The following IFT52 variants were observed in gnomAD, a reference collection of about 807,000 sequenced individuals.
IFT52 encodes intraflagellar transport 52.
A neutral mutation model predicts 54.4 loss-of-function variants in IFT52; 44 were observed. That is an observed-to-expected ratio of 0.81 (90% CI 0.63 to 1.04). IFT52 has a LOEUF of 1.04. Among genes scored for constraint, IFT52 ranks in the 50% least tolerant of loss-of-function variants. IFT52 has a pLI of 0.00. For synonymous variants in IFT52, 181 were observed against 185.3 expected (o/e 0.98, Z 0.19); for missense variants, 452 against 523.6 (o/e 0.86, Z 1.33).
At chr20:43,597,923 T>C (rs186284082) in intron 3 of IFT52, among the ~76,000 whole-genome samples, 236 of 146,270 alleles carry the variant, frequency 1.6e-3, no homozygotes, top group African/African-American at 5.8e-3. Flanking sequence ...TGCCATATGA[T>C]CTAGCAATTC....
At chr20:43,619,615 A>G (rs947370717) in intron 8 of IFT52, among the ~76,000 whole-genome samples, 2 of 152,070 alleles carry the variant, frequency 1.3e-5, no homozygotes, top group East Asian at 3.9e-4. Flanking sequence ...GCTGGTAGGA[A>G]TGGGAATTAG....
intron 12 of IFT52, among the ~76,000 whole-genome samples, chr20:43,639,610 C>G (rs997536266): frequency 6.6e-6 from 1 of 152,032 alleles, no homozygotes; most frequent in Non-Finnish European, 1.5e-5. Flanking sequence ...TTGGAAGTTG[C>G]GGTGAGCCGA....
intron 6 of IFT52, among the ~76,000 whole-genome samples, chr20:43,613,064 G>A (rs1260437712): frequency 6.6e-6 from 1 of 152,192 alleles, no homozygotes; most frequent in African/African-American, 2.4e-5. Flanking sequence ...TCTAAGACAA[G>A]TCTTTGTTAG....
At chr20:43,625,290 C>G (rs140222481) in intron 10 of IFT52, among the ~76,000 whole-genome samples, 2 of 151,998 alleles carry the variant, frequency 1.3e-5, no homozygotes, top group Admixed American at 1.3e-4. Context: ...ATGGGAAGAT[C>G]GCGAGGTCAG....
chr20:43,612,352 A>G (rs1055358709), intron 6 of IFT52, among the ~76,000 whole-genome samples: 3 of 152,046 alleles, frequency 2.0e-5, no homozygotes, highest in African/African-American at 7.2e-5. Context: ...TATGACAACA[A>G]AAGTCATAGG....
At chr20:43,639,973 G>A (rs1052909790) in intron 12 of IFT52, among the ~76,000 whole-genome samples, 1 of 151,906 alleles carries the variant, frequency 6.6e-6, no homozygotes, top group Non-Finnish European at 1.5e-5. Flanking sequence ...ACCAGCCTGG[G>A]CAACACTGTG....
chr20:43,617,664 G>A (rs181066012), intron 7 of IFT52, among the ~76,000 whole-genome samples: 14 of 152,206 alleles, frequency 9.2e-5, no homozygotes, highest in Middle Eastern at 3.4e-3. Context: ...GCCTGGTCTC[G>A]AACTCCTGGC....
intron 9 of IFT52, among the ~76,000 whole-genome samples, chr20:43,622,832 G>A (rs139883126): frequency 6.3e-4 from 93 of 148,372 alleles, no homozygotes; most frequent in African/African-American, 1.5e-3. Context: ...ATATTTTTAT[G>A]TGTAAATATA....
At chr20:43,592,361 C>T (rs1335315951) in intron 1 of IFT52, among the ~76,000 whole-genome samples, 1 of 151,816 alleles carries the variant, frequency 6.6e-6, no homozygotes, top group Non-Finnish European at 1.5e-5. Flanking sequence ...GAATGAAGCC[C>T]ATTTTGAGCA....
rs190747607 is a variant in IFT52 at position 43,619,394 on chromosome 20, T to C, written c.699+368T>C. On this transcript the variant is annotated intron_variant, in intron 8 of 13. Transcript: ENST00000373030. ...GGGAGCCCTTGGGTTTTCAGCAGCC[T>C]TGAGCATAGCCAGATCTGTGTTTCT... Among the ~76,000 whole-genome samples, 108 of 152,286 alleles carry C rather than the reference T, an allele frequency of 7.1e-4. 1 individual carries two copies. The highest frequency in any genetic ancestry group is 2.4e-3 in the African/African-American group (100 of 41,558).
At chr20:43,601,967 A>C (rs1568719377) in intron 3 of IFT52, among the ~76,000 whole-genome samples, 1 of 152,124 alleles carries the variant, frequency 6.6e-6, no homozygotes, top group Non-Finnish European at 1.5e-5. Context: ...GCTAGGGATC[A>C]AAGTCAAATA....
chr20:43,619,053 T>C (rs1370976684), intron 8 of IFT52, 27 bp downstream of exon 8: 1 of 1,413,496 alleles, frequency 7.1e-7, no homozygotes, highest in Non-Finnish European at 1.0e-6. Context: ...GTCATATTAA[T>C]ATACAATGTG....
chr20:43,595,200 C>G (rs940840995), intron 2 of IFT52, among the ~76,000 whole-genome samples: 2 of 151,714 alleles, frequency 1.3e-5, no homozygotes, highest in African/African-American at 2.4e-5. Context: ...CGCCTGTAAT[C>G]CCAGCTCCTT....
At chr20:43,612,990 T>C (rs1983577123) in intron 6 of IFT52, among the ~76,000 whole-genome samples, 1 of 152,062 alleles carries the variant, frequency 6.6e-6, no homozygotes, top group South Asian at 2.1e-4. Flanking sequence ...CCACCTTTGC[T>C]CCTCTATCCC....
intron 10 of IFT52, among the ~76,000 whole-genome samples, chr20:43,633,450 C>T (rs924363361): frequency 1.3e-5 from 2 of 150,946 alleles, no homozygotes; most frequent in African/African-American, 4.9e-5. Context: ...TGGCTCACAC[C>T]TGTAATCCCA....
chr20:43,595,309 T>C (rs1367346469), intron 2 of IFT52, among the ~76,000 whole-genome samples: 4 of 83,590 alleles, frequency 4.8e-5, no homozygotes, highest in African/African-American at 1.0e-4. Context: ...AGAGTGAGAC[T>C]CCGTCTCAAA....
chr20:43,598,601 G>C (rs1982184300), intron 3 of IFT52, among the ~76,000 whole-genome samples: 1 of 152,014 alleles, frequency 6.6e-6, no homozygotes, highest in African/African-American at 2.4e-5. Context: ...AAGTGGAGGT[G>C]GGAGAATCGC....
At position 43,594,256 on chromosome 20, in the gene IFT52, CAA is replaced by C. The variant is rs1433916173; in HGVS notation, c.-6-436_-6-435del. On this transcript the variant is annotated intron_variant, in intron 1 of 13. Coordinates refer to ENST00000373030, the MANE Select transcript of IFT52 (RefSeq NM_016004.5). ...CCGGGAGATGGAGGTTGCAGTGAGC[CAA>C]GATCACACCATTGCACTCCAACCTG... 3.3e-5 allele frequency among the ~76,000 whole-genome samples: 5 copies of C among 152,016 alleles called. No homozygotes were observed. The South Asian group carries it at 1.0e-3, about 32-fold the overall frequency.
At chr20:43,615,031 A>T (rs779174011) in intron 7 of IFT52, among the ~76,000 whole-genome samples, 3 of 150,662 alleles carry the variant, frequency 2.0e-5, no homozygotes, top group Non-Finnish European at 4.4e-5. Context: ...CTGATCTCGA[A>T]CTCCTGACCT....
Sources: gnomAD v4.1 joint callset for allele counts (sites outside exome capture counted in the v4.1 genomes callset) on GRCh38, gnomAD v4.1.1 for gene constraint, MANE v1.5 for transcripts, NCBI Gene and HGNC (gene_info 2026-07-23, HGNC 2026-07-21) for gene names.